The following KIAA1549L variants were observed in gnomAD, a reference collection of about 807,000 sequenced individuals.
KIAA1549L encodes KIAA1549 like.
KIAA1549L carries 88 observed loss-of-function variants against 160.7 expected under a neutral mutation model. The observed-to-expected ratio is 0.55, with a 90% confidence interval of 0.46 to 0.65. The LOEUF is 0.65. Among genes scored for constraint, KIAA1549L ranks in the 30% least tolerant of loss-of-function variants. KIAA1549L has a pLI of 0.00. For missense variants in KIAA1549L, 2,258 were observed against 2,437.5 expected (o/e 0.93, Z 1.55); for synonymous variants, 950 against 976.7 (o/e 0.97, Z 0.51).
chr11:33,430,075 C>T (rs563354520), intron 1 of KIAA1549L, among the ~76,000 whole-genome samples: 3 of 144,414 alleles, frequency 2.1e-5, no homozygotes, highest in Non-Finnish European at 4.6e-5. Flanking sequence ...CCGTTCCTCC[C>T]TTCCCTCCCT....
In KIAA1549L at chr11:33,543,784, A is replaced by T; in HGVS notation, c.2221A>T (p.Thr741Ser). The T allele has an allele frequency of 6.2e-7, 1 of 1,614,060 alleles. No homozygotes were observed. The highest frequency in any genetic ancestry group is 1.1e-5 in the South Asian group (1 of 91,092). Residue 741 changes from threonine to serine, a missense_variant, in exon 2 of 21, where the codon ACA (threonine) becomes TCA (serine). Transcript: ENST00000658780. The part of the protein sequence containing the change: ...TTSWETHLAP[T>S]APPNGLTSAA... ...AAGTTGGGAAACTCATTTAGCTCCA[A>T]CAGCTCCTCCCAATGGTTTAACTTC... is the stretch of plus-strand genomic sequence containing the variant.
chr11:33,539,470 A>G (rs1853965547), intron 1 of KIAA1549L, among the ~76,000 whole-genome samples: 1 of 152,204 alleles, frequency 6.6e-6, no homozygotes, highest in African/African-American at 2.4e-5. Context: ...GTGACATAAA[A>G]TAGCAAAGGC....
intron 1 of KIAA1549L, among the ~76,000 whole-genome samples, chr11:33,388,020 A>C (rs1273541443): frequency 1.3e-5 from 2 of 152,230 alleles, no homozygotes; most frequent in African/African-American, 4.8e-5. Context: ...TTAAAAAATT[A>C]TGAAAGTAAT....
At position 33,673,432 on chromosome 11, in the gene KIAA1549L, A is replaced by G. The variant is rs1386689841; in HGVS notation, c.*5278A>G. The G allele has an allele frequency of 6.6e-6, 1 of 152,152 alleles. No homozygotes were observed. Among genetic ancestry groups the G allele is most frequent in the African/African-American group, 2.4e-5 (1 of 41,426 alleles). The allele number at this position is 152,152 out of a possible 1,614,324, so 9.4% of individuals were successfully genotyped here. A position where few individuals can be genotyped will look rare whatever the true frequency, so the allele number is the denominator to read the frequency against. On this transcript the variant is annotated 3_prime_UTR_variant, in exon 21 of 21. Transcript: ENST00000658780. ...GCCCCCATCTCACACACAAACTGAG[A>G]AAAGATTTGTATCAAACAGAATCAG...
chr11:33,462,260 A>G (rs1381886058), intron 1 of KIAA1549L, among the ~76,000 whole-genome samples: 1 of 152,236 alleles, frequency 6.6e-6, no homozygotes, highest in Non-Finnish European at 1.5e-5. Context: ...TTCATCCATG[A>G]GTCTTCATCA....
intron 17 of KIAA1549L, among the ~76,000 whole-genome samples, chr11:33,649,959 G>A (rs142267093): frequency 2.3e-3 from 352 of 152,090 alleles, no homozygotes; most frequent in African/African-American, 8.1e-3. Context: ...ACTCCCATCT[G>A]GCCCAGGGCG....
chr11:33,600,899 T>A (rs1430536984), intron 13 of KIAA1549L, among the ~76,000 whole-genome samples: 4 of 152,138 alleles, frequency 2.6e-5, no homozygotes, highest in Non-Finnish European at 4.4e-5. Context: ...AAATAATCCA[T>A]AGAAGATGAG....
chr11:33,550,114 G>A (rs1330591290), intron 4 of KIAA1549L, among the ~76,000 whole-genome samples: 1 of 150,586 alleles, frequency 6.6e-6, no homozygotes, highest in African/African-American at 2.4e-5. Context: ...GAAATGGATA[G>A]TAGTAATAGC....
intron 1 of KIAA1549L, among the ~76,000 whole-genome samples, chr11:33,435,818 G>GTGTGTGTA (rs1554976830): frequency 1.8e-4 from 8 of 45,310 alleles, no homozygotes; most frequent in African/African-American, 3.4e-4. Flanking sequence ...ATATGTGTGT[G>GTGTGTGTA]TATATATATA....
intron 1 of KIAA1549L, among the ~76,000 whole-genome samples, chr11:33,477,636 G>A (rs181857073): frequency 6.6e-6 from 1 of 152,200 alleles, no homozygotes; most frequent in East Asian, 1.9e-4. Context: ...GAATCACTGG[G>A]TGCTGGTCAA....
At chr11:33,443,117 C>A (rs965644233) in intron 1 of KIAA1549L, among the ~76,000 whole-genome samples, 1 of 152,030 alleles carries the variant, frequency 6.6e-6, no homozygotes, top group African/African-American at 2.4e-5. Flanking sequence ...TATATCTGAT[C>A]ATTGTAATAT....
At chr11:33,427,462 C>T (rs1054747628) in intron 1 of KIAA1549L, among the ~76,000 whole-genome samples, 3 of 152,152 alleles carry the variant, frequency 2.0e-5, no homozygotes, top group African/African-American at 7.2e-5. Context: ...TTCCATTTCT[C>T]CATGTTAGGA....
chr11:33,622,134 C>A (rs1383386421), intron 16 of KIAA1549L, among the ~76,000 whole-genome samples: 1 of 152,152 alleles, frequency 6.6e-6, no homozygotes, highest in Non-Finnish European at 1.5e-5. Flanking sequence ...CATTAGTTCT[C>A]ACTCCAGAGG....
At chr11:33,509,063 A>T (rs1260740981) in intron 1 of KIAA1549L, among the ~76,000 whole-genome samples, 8 of 152,136 alleles carry the variant, frequency 5.3e-5, no homozygotes, top group Non-Finnish European at 4.4e-5. Flanking sequence ...TGACCTTGAC[A>T]TCCTAATAAA....
At chr11:33,560,836 T>A (rs981321864) in intron 7 of KIAA1549L, among the ~76,000 whole-genome samples, 6 of 152,200 alleles carry the variant, frequency 3.9e-5, no homozygotes, top group Non-Finnish European at 8.8e-5. Flanking sequence ...CACTCAGAAT[T>A]TTTTTCAAAT....
Position 33,673,427 on chromosome 11 carries a change from CTG to C in KIAA1549L, c.*5274_*5275del, listed in dbSNP as rs1240890429. The C allele has an allele frequency of 6.6e-6, 1 of 152,062 alleles. No homozygotes were observed. Among genetic ancestry groups the C allele is most frequent in the African/African-American group, 2.4e-5 (1 of 41,372 alleles). 9.4% of individuals were successfully genotyped at this position (152,062 alleles called of 1,614,324 possible). ...AACACGCCCCCATCTCACACACAAACTGAGAAAAGATTTGTATCAAACAGAAT... is the reference window on the plus strand; with the variant it reads ...AACACGCCCCCATCTCACACACAAACAGAAAAGATTTGTATCAAACAGAAT... On this transcript the variant is annotated 3_prime_UTR_variant, in exon 21 of 21. Transcript: ENST00000658780.
chr11:33,393,984 C>G (rs1186828222), intron 1 of KIAA1549L, among the ~76,000 whole-genome samples: 1 of 152,152 alleles, frequency 6.6e-6, no homozygotes, highest in African/African-American at 2.4e-5. Flanking sequence ...ATTCTGCCTA[C>G]AAATATGCAT....
chr11:33,633,684 C>T lies in KIAA1549L; in HGVS notation c.5410-12002C>T, dbSNP rs1488848571. ...AAAGCCATTCTGATATGTTTACTTT[C>T]GGGTGGATTCCTTTTGAAGAGGTGT... On this transcript the variant is annotated intron_variant, in intron 16 of 20. Coordinates refer to ENST00000658780, the MANE Select transcript of KIAA1549L (RefSeq NM_012194.3). Among the ~76,000 whole-genome samples the T allele has an allele frequency of 3.3e-5, 5 of 152,282 alleles. No individual in the cohort carries two copies. The South Asian group carries it at 6.2e-4, about 19-fold the overall frequency.
chr11:33,657,105 C>G (rs1852091780), intron 18 of KIAA1549L, among the ~76,000 whole-genome samples: 2 of 152,032 alleles, frequency 1.3e-5, no homozygotes, highest in South Asian at 4.1e-4. Flanking sequence ...TAGCAGATGC[C>G]TGGAACAGTG....
Sources: allele counts gnomAD v4.1 joint callset (sites outside exome capture counted in the v4.1 genomes callset), GRCh38; gene constraint gnomAD v4.1.1; transcripts MANE v1.5; gene names NCBI Gene and HGNC (gene_info 2026-07-23, HGNC 2026-07-21).